The following HUWE1 variants were observed in gnomAD, a reference collection of about 807,000 sequenced individuals.
HUWE1 encodes E3 ubiquitin-protein ligase HUWE1.
In HUWE1, 18 loss-of-function variants were observed where a neutral mutation model predicts 299.4. The observed-to-expected ratio is 0.06, with a 90% confidence interval of 0.04 to 0.09. The LOEUF (loss-of-function observed/expected upper bound fraction) is 0.09, where lower values mean the gene tolerates loss of function less well. Ranked by LOEUF, HUWE1 falls within the 10% of genes least tolerant of loss-of-function variation. The pLI is 1.00. For missense variants in HUWE1, 1,832 were observed against 3,462.3 expected, an observed-to-expected ratio of 0.53 and a Z score of 11.82; for synonymous variants, 1,317 against 1,286.1, an observed-to-expected ratio of 1.02 and a Z score of -0.51.
chrX:53,533,094 A>G lies in HUWE1; in HGVS notation c.*215T>C. Reference sequence around the variant, plus strand: ...GGGGTGGGGATCATGGACGGCATGGAAAGGGGAGAGAAGGTGAGGAAACAG... The same window carrying G: ...GGGGTGGGGATCATGGACGGCATGGGAAGGGGAGAGAAGGTGAGGAAACAG... On this transcript the variant is annotated 3_prime_UTR_variant, in exon 84 of 84. Coordinates refer to ENST00000262854, the MANE Select transcript of HUWE1 (RefSeq NM_031407.7). 2.3e-6 allele frequency: 1 copy of G among 430,436 alleles called. No homozygotes were observed. Among genetic ancestry groups the G allele is most frequent in the Non-Finnish European group, 4.1e-6 (1 of 242,218 alleles). The allele number at this position is 430,436 out of a possible 1,213,427, so 35.5% of individuals were successfully genotyped here.
At chrX:53,656,934 T>C (rs186970101) in intron 3 of HUWE1, among the ~76,000 whole-genome samples, 2 of 109,741 alleles carry the variant, frequency 1.8e-5, no homozygotes, top group African/African-American at 6.6e-5. Flanking sequence ...AAAAAAACAA[T>C]TCAGTCAAGG....
chrX:53,614,352 C>T (rs1557005338), intron 23 of HUWE1, among the ~76,000 whole-genome samples, 182 bp downstream of exon 23: 1 of 111,605 alleles, frequency 9.0e-6, no homozygotes, highest in African/African-American at 3.3e-5. Context: ...AATACCAAAG[C>T]ACAAATGACA....
intron 3 of HUWE1, among the ~76,000 whole-genome samples, chrX:53,655,109 A>C (rs1557042330): frequency 3.6e-5 from 4 of 111,264 alleles, no homozygotes; most frequent in Non-Finnish European, 1.9e-5. Flanking sequence ...AGAAGAAATA[A>C]GTTTCTCCTG....
intron 42 of HUWE1, 139 bp downstream of exon 42, chrX:53,583,419 A>T (rs931513363): frequency 2.0e-6 from 1 of 499,307 alleles, no homozygotes; most frequent in Non-Finnish European, 3.5e-6. Flanking sequence ...AGAGTTGGAA[A>T]ATTCTGTTGG....
At chrX:53,568,535 C>T (rs1197059645) in intron 49 of HUWE1, among the ~76,000 whole-genome samples, 157 bp downstream of exon 49, 1 of 110,747 alleles carries the variant, frequency 9.0e-6, no homozygotes, top group African/African-American at 3.3e-5. Context: ...AAGTAAGAAC[C>T]AAGGCTTTAA....
chrX:53,632,021 T>G lies in HUWE1; in HGVS notation c.646-407A>C, dbSNP rs111398950. 587 of 340,633 alleles carry G rather than the reference T, an allele frequency of 1.7e-3. 2 individuals are homozygous for G. The highest frequency in any genetic ancestry group is 0.014 in the African/African-American group (540 of 38,428). 28.1% of individuals were successfully genotyped at this position (340,633 alleles called of 1,213,427 possible). ...GAAAGATTATTTATTTATTGAATAG[T>G]ATAGGTAGAAGAGAAATTGTATTTT... On this transcript the variant is annotated intron_variant, in intron 9 of 83. Coordinates refer to ENST00000262854, the MANE Select transcript of HUWE1 (RefSeq NM_031407.7).
intron 23 of HUWE1, among the ~76,000 whole-genome samples, chrX:53,613,511 T>C (rs962195464): frequency 9.0e-6 from 1 of 111,350 alleles, no homozygotes; most frequent in East Asian, 2.8e-4. Flanking sequence ...TCCAGAAAGA[T>C]CAATCCCATT....
Position 53,548,047 on chromosome X carries a change from G to C in HUWE1, c.10262C>G (p.Thr3421Ser), listed in dbSNP as rs1556924785. 8.3e-7 allele frequency: 1 copy of C among 1,210,611 alleles called. No homozygotes were observed. ...AGAGGCCTCGAGGCTGTATGGAGAG[G>C]TTTCCCCCTCACCGCCAGCGCTCAC... is the stretch of plus-strand genomic sequence containing the variant. ...VPVSAGGEGE[T>S]SPYSLEASPL... The change falls in exon 68 of 84, where the codon ACC (threonine) becomes AGC (serine). Residue 3421 changes from threonine to serine, a missense_variant. By Grantham distance (58) the Thr-to-Ser change is moderately conservative. Around this residue, in one of 15 missense-constraint regions of HUWE1, gnomAD observed 119 missense variants for 124.6 expected, o/e 0.96. Coordinates refer to ENST00000262854, the MANE Select transcript of HUWE1 (RefSeq NM_031407.7).
chrX:53,583,499 C>T, intron 42 of HUWE1, 59 bp downstream of exon 42: 1 of 828,457 alleles, frequency 1.2e-6, no homozygotes, highest in South Asian at 2.0e-5. Flanking sequence ...GTTCTCAGAC[C>T]AAGGAGAACA....
intron 19 of HUWE1, among the ~76,000 whole-genome samples, chrX:53,620,570 G>A (rs2066083076): frequency 8.9e-6 from 1 of 111,778 alleles, no homozygotes; most frequent in Non-Finnish European, 1.9e-5. Flanking sequence ...TTCACAGAAA[G>A]CAGGCCTAAT....
Position 53,627,436 on chromosome X carries a change from CCTT to C in HUWE1, c.1460_1462del (p.Glu487del). 3 of 1,186,723 alleles carry C rather than the reference CCTT, an allele frequency of 2.5e-6. No individual in the cohort carries two copies. The highest frequency in any genetic ancestry group is 3.0e-5 in the East Asian group (1 of 33,679). ...ATCCATATCAGTTTCCATTTCCTCT[CCTT>C]CTTGTGTAGTATTGGGTCTCTGGAT... On this transcript the variant is annotated inframe_deletion, in exon 17 of 84. Transcript: ENST00000262854.
chrX:53,587,557 C>T (rs1257738935), intron 37 of HUWE1, among the ~76,000 whole-genome samples: 1 of 111,909 alleles, frequency 8.9e-6, no homozygotes, highest in Non-Finnish European at 1.9e-5. Context: ...AAAGAAAATA[C>T]AAGACTGTTA....
intron 48 of HUWE1, 100 bp downstream of exon 48, chrX:53,569,516 T>A: frequency 1.3e-6 from 1 of 765,080 alleles, no homozygotes; most frequent in Non-Finnish European, 2.0e-6. Context: ...GATGCCAGTA[T>A]GACAAGAAGT....
intron 49 of HUWE1, among the ~76,000 whole-genome samples, chrX:53,567,104 A>G: frequency 8.9e-6 from 1 of 111,823 alleles, no homozygotes; most frequent in Non-Finnish European, 1.9e-5. Context: ...AACTGTACCC[A>G]TATAAAGGAA....
intron 37 of HUWE1, among the ~76,000 whole-genome samples, chrX:53,587,592 T>A (rs781916747): frequency 4.0e-4 from 45 of 111,303 alleles, no homozygotes; most frequent in Non-Finnish European, 7.6e-4. Context: ...TAGATGGGGG[T>A]CCATGAATGA....
At position 53,548,044 on chromosome X, in the gene HUWE1, G is replaced by C; in HGVS notation, c.10265C>G (p.Ser3422Cys). ...PVSAGGEGET[S>C]PYSLEASPLG... is the part of the protein sequence containing the mutation. ...TGGAGAGGCCTCGAGGCTGTATGGAGAGGTTTCCCCCTCACCGCCAGCGCT... is the reference window on the plus strand; with the variant it reads ...TGGAGAGGCCTCGAGGCTGTATGGACAGGTTTCCCCCTCACCGCCAGCGCT... Residue 3422 changes from serine (S) to cysteine (C), a missense_variant, in exon 68 of 84, where the codon TCT becomes TGT. Around this residue, in one of 15 missense-constraint regions of HUWE1, gnomAD observed 119 missense variants for 124.6 expected, o/e 0.96. Transcript: ENST00000262854. 1.7e-6 allele frequency: 2 copies of C among 1,210,894 alleles called. No individual in the cohort carries two copies. The highest frequency in any genetic ancestry group is 2.2e-6 in the Non-Finnish European group (2 of 895,057).
rs1569453603 is a variant in HUWE1 at position 53,569,768 on chromosome X, T to C, written c.6372A>G (p.Glu2124=). 1.6e-6 allele frequency: 2 copies of C among 1,212,195 alleles called. No individual in the cohort carries two copies. The highest frequency in any genetic ancestry group is 1.1e-6 in the Non-Finnish European group (1 of 895,559). The stretch of plus-strand genomic sequence containing the variant: ...GGGCCAAGGCAGGGGTGTCCTTGTC[T>C]TCTGCATTCTGGGTATGTGGGAGCA... The part of the protein sequence containing the change: ...DHLLPHTQNA[E]DKDTPALARL... Residue 2124 remains glutamate (E), a synonymous_variant, in exon 48 of 84, where the codon GAA becomes GAG. Transcript: ENST00000262854.
intron 3 of HUWE1, among the ~76,000 whole-genome samples, chrX:53,656,335 C>T (rs1390935461): frequency 1.8e-5 from 2 of 108,386 alleles, no homozygotes; most frequent in African/African-American, 3.4e-5. Context: ...TAGATTGTAC[C>T]GTTGCACTCC....
chrX:53,564,805 T>TC lies in HUWE1; in HGVS notation c.6881-84dup, dbSNP rs1174878093. 3.5e-6 allele frequency: 4 copies of TC among 1,140,341 alleles called. No homozygotes were observed. The African/African-American group carries it at 7.1e-5, about 20-fold the overall frequency. The allele number at this position is 1,140,341 out of a possible 1,213,427, so 94.0% of individuals were successfully genotyped here. ...TGAGGCAAGCGCAAAGACAATAAGG[T>TC]CCCTTCCTTGGGCAAGTTTGTAAGT... On this transcript the variant is annotated intron_variant, in intron 50 of 83. Transcript: ENST00000262854.
Sources: gnomAD v4.1 joint callset for allele counts (sites outside exome capture counted in the v4.1 genomes callset) on GRCh38, gnomAD v4.1.1 for gene constraint, gnomAD v4.1.1 regional missense constraint, MANE v1.5 for transcripts, NCBI Gene and HGNC (gene_info 2026-07-23, HGNC 2026-07-21) for gene names.